MED27: variants seen among roughly 807,000 people sequenced by gnomAD.
MED27 encodes mediator complex subunit 27, also known as mediator of RNA polymerase II transcription subunit 27.
Under a neutral mutation model 38.2 loss-of-function variants are expected in MED27, and 30 were observed. That is an observed-to-expected ratio of 0.79 (90% confidence interval 0.59 to 1.07). MED27 has a LOEUF of 1.07. Ranked by LOEUF, MED27 falls within the 50% of genes least tolerant of loss-of-function variation. The pLI, the probability that MED27 is intolerant of heterozygous loss-of-function variation, is 0.00. For missense variants in MED27, 289 were observed against 397.5 expected, an observed-to-expected ratio of 0.73 and a Z score of 2.32; for synonymous variants, 122 against 153.5, an observed-to-expected ratio of 0.79 and a Z score of 1.52.
intron 3 of MED27, among the ~76,000 whole-genome samples, chr9:131,971,236 G>A (rs1406946517): frequency 6.6e-6 from 1 of 152,182 alleles, no homozygotes; most frequent in Non-Finnish European, 1.5e-5. Context: ...AAGCATGCTG[G>A]GAAGAAGGAC....
intron 4 of MED27, among the ~76,000 whole-genome samples, chr9:131,924,376 T>C (rs948204559): frequency 6.6e-6 from 1 of 152,240 alleles, no homozygotes; most frequent in East Asian, 1.9e-4. Flanking sequence ...TATATATATT[T>C]AAAATTTGGT....
At chr9:132,000,995 G>A (rs1832219203) in intron 3 of MED27, among the ~76,000 whole-genome samples, 1 of 152,090 alleles carries the variant, frequency 6.6e-6, no homozygotes, top group African/African-American at 2.4e-5. Context: ...AGCTACTTGG[G>A]AGGCTGAGGC....
intron 5 of MED27, among the ~76,000 whole-genome samples, chr9:131,891,872 C>G (rs564375315): frequency 6.6e-6 from 1 of 151,994 alleles, no homozygotes; most frequent in East Asian, 1.9e-4. Flanking sequence ...GGATGGGGGG[C>G]CCAGTTTGAG....
intron 3 of MED27, among the ~76,000 whole-genome samples, chr9:131,950,005 T>C (rs191861028): frequency 4.2e-4 from 64 of 152,196 alleles, no homozygotes; most frequent in Middle Eastern, 6.8e-3. Flanking sequence ...ATTTCTGTTC[T>C]TCTTGCATTA....
chr9:131,868,817 C>T (rs1381861459), intron 6 of MED27: 1 of 985,366 alleles, frequency 1.0e-6, no homozygotes, highest in East Asian at 1.1e-4. Context: ...TGGGAAGCTA[C>T]AGTTCCGACG....
rs576392818 is a variant in MED27 at position 132,032,087 on chromosome 9, T to C, written c.349-17620A>G. 3.3e-5 allele frequency: 5 copies of C among 152,282 alleles called. No homozygotes were observed. The East Asian group carries it at 9.6e-4, about 29-fold the overall frequency. 9.4% of individuals were successfully genotyped at this position (152,282 alleles called of 1,614,324 possible). A position where few individuals can be genotyped will look rare whatever the true frequency, so the allele number is the denominator to read the frequency against. On this transcript the variant is annotated intron_variant, in intron 2 of 7. Transcript: ENST00000292035. ...GGATGTGGTAGGCGAGGCGCTAAGC[T>C]TGGCCGCTGCTAGCTGCATGCCATG...
intron 3 of MED27, among the ~76,000 whole-genome samples, chr9:132,007,541 G>A (rs1389492176): frequency 1.3e-5 from 2 of 152,122 alleles, no homozygotes; most frequent in African/African-American, 2.4e-5. Flanking sequence ...AGTTGCCTGG[G>A]GTGGGAGAGA....
At chr9:132,033,157 T>C (rs1833000024) in intron 2 of MED27, among the ~76,000 whole-genome samples, 1 of 152,230 alleles carries the variant, frequency 6.6e-6, no homozygotes, top group African/African-American at 2.4e-5. Context: ...ACAATAATTT[T>C]CTTTACACAA....
chr9:132,023,198 C>G (rs1023837222), intron 2 of MED27, among the ~76,000 whole-genome samples: 2 of 151,518 alleles, frequency 1.3e-5, no homozygotes, highest in Admixed American at 1.3e-4. Context: ...GAATATTTCT[C>G]TTTTTCCCCC....
intron 5 of MED27, among the ~76,000 whole-genome samples, chr9:131,892,844 A>G (rs184333945): frequency 1.3e-5 from 2 of 152,360 alleles, no homozygotes; most frequent in Admixed American, 1.3e-4. Flanking sequence ...CCAAAAAGAA[A>G]AAGGAAATCT....
At chr9:131,983,257 C>T (rs1344642878) in intron 3 of MED27, among the ~76,000 whole-genome samples, 1 of 152,168 alleles carries the variant, frequency 6.6e-6, no homozygotes, top group East Asian at 1.9e-4. Flanking sequence ...ATGGATTTTC[C>T]CTCACTGCAT....
intron 4 of MED27, among the ~76,000 whole-genome samples, chr9:131,906,755 A>T (rs2131527925): frequency 6.6e-6 from 1 of 152,324 alleles, no homozygotes; most frequent in Non-Finnish European, 1.5e-5. Context: ...CCATAAAGTG[A>T]CAGCAAATTT....
chr9:132,014,670 C>T (rs552565785), intron 2 of MED27, among the ~76,000 whole-genome samples: 4 of 152,302 alleles, frequency 2.6e-5, no homozygotes, highest in Non-Finnish European at 2.9e-5. Context: ...AAGAACAAGA[C>T]TGTTCATCAC....
At chr9:131,980,640 T>G (rs951798283) in intron 3 of MED27, among the ~76,000 whole-genome samples, 12 of 152,158 alleles carry the variant, frequency 7.9e-5, no homozygotes, top group Admixed American at 6.5e-4. Context: ...ACGCACAATA[T>G]TCCATCATTT....
At chr9:131,888,677 C>T (rs1006025378) in intron 5 of MED27, among the ~76,000 whole-genome samples, 4 of 152,176 alleles carry the variant, frequency 2.6e-5, no homozygotes, top group Non-Finnish European at 5.9e-5. Flanking sequence ...TTAGTAGCTT[C>T]GTCTTGCAAG....
intron 2 of MED27, among the ~76,000 whole-genome samples, chr9:132,040,844 C>T (rs1439196327): frequency 6.6e-6 from 1 of 152,206 alleles, no homozygotes; most frequent in East Asian, 1.9e-4. Context: ...TATGCTTTGT[C>T]AAACAACTAG....
rs150844550 is a variant in MED27 at position 131,988,596 on chromosome 9, T to C, written c.479+25741A>G. The stretch of plus-strand genomic sequence containing the variant: ...ACTTTATTGTAAGAACACAGTAATA[T>C]AATACATATAACATACAAAATATGT... On this transcript the variant is annotated intron_variant, in intron 3 of 7. Transcript: ENST00000292035. Among the ~76,000 whole-genome samples the C allele has an allele frequency of 4.8e-3, 735 of 152,346 alleles. 5 individuals are homozygous for C. Among genetic ancestry groups the C allele is most frequent in the Non-Finnish European group, 8.0e-3 (543 of 68,038 alleles).
At chr9:131,966,199 T>TA (rs201789144) in intron 3 of MED27, among the ~76,000 whole-genome samples, 3,112 of 96,240 alleles carry the variant, frequency 0.032, 183 homozygotes, top group African/African-American at 0.11. Context: ...CCTGTTTCTT[T>TA]AAAAAAAAAA....
At chr9:132,021,662 T>C (rs1251296344) in intron 2 of MED27, among the ~76,000 whole-genome samples, 1 of 152,178 alleles carries the variant, frequency 6.6e-6, no homozygotes, top group Admixed American at 6.5e-5. Context: ...GTTGAACGTT[T>C]TTGTCTCCCC....
Sources: allele counts gnomAD v4.1 joint callset (sites outside exome capture counted in the v4.1 genomes callset), GRCh38; gene constraint gnomAD v4.1.1; transcripts MANE v1.5; gene names NCBI Gene and HGNC (gene_info 2026-07-23, HGNC 2026-07-21).